The following PAG1 variants were observed in gnomAD, a reference collection of about 807,000 sequenced individuals.
The protein encoded by PAG1 is phosphoprotein associated with glycosphingolipid-enriched microdomains 1.
PAG1 carries 23 observed loss-of-function variants against 31.7 expected under a neutral mutation model. The observed-to-expected ratio is 0.73, with a 90% CI of 0.52 to 1.03. The LOEUF (loss-of-function observed/expected upper bound fraction) is 1.03. Among genes scored for constraint, PAG1 ranks in the 50% least tolerant of loss-of-function variants. PAG1 has a pLI of 0.00. For synonymous variants in PAG1, 214 were observed against 210.3 expected, an observed-to-expected ratio of 1.02 and a Z score of -0.15; for missense variants, 473 against 540.7, an observed-to-expected ratio of 0.87 and a Z score of 1.24.
At chr8:81,053,989 T>A (rs1467146302) in intron 2 of PAG1, among the ~76,000 whole-genome samples, 1 of 152,114 alleles carries the variant, frequency 6.6e-6, no homozygotes, top group Non-Finnish European at 1.5e-5. Context: ...AAAGCAGCCA[T>A]CAACAGTAGC....
At chr8:81,044,109 T>C (rs1808601802) in intron 2 of PAG1, among the ~76,000 whole-genome samples, 1 of 152,180 alleles carries the variant, frequency 6.6e-6, no homozygotes, top group Non-Finnish European at 1.5e-5. Context: ...CCAAGTGACT[T>C]TCTAAAATGC....
At chr8:80,987,824 T>A (rs537038590) in intron 5 of PAG1, among the ~76,000 whole-genome samples, 1 of 152,352 alleles carries the variant, frequency 6.6e-6, no homozygotes, top group Admixed American at 6.5e-5. Context: ...TCTCAAAATA[T>A]CTTGTATGGT....
Position 81,087,961 on chromosome 8 carries a change from G to C in PAG1, c.-233-17791C>G, listed in dbSNP as rs547958417. On this transcript the variant is annotated intron_variant, in intron 1 of 8. Coordinates refer to ENST00000220597, the MANE Select transcript of PAG1 (RefSeq NM_018440.4). ...AAATACATATCAAAGATCAGTGGGG[G>C]GAAAAAATACTGATTTAAAGCTGAA... Among the ~76,000 whole-genome samples, 12 of 152,102 alleles carry C rather than the reference G, an allele frequency of 7.9e-5. No individual in the cohort carries two copies. The East Asian group carries it at 2.3e-3, about 29-fold the overall frequency.
chr8:81,078,199 T>C (rs16908524), intron 1 of PAG1, among the ~76,000 whole-genome samples: 12,482 of 152,228 alleles, frequency 0.082, 1,348 homozygotes, highest in African/African-American at 0.25. Flanking sequence ...TGGGCTTAAA[T>C]TTTTAATCTG....
intron 2 of PAG1, among the ~76,000 whole-genome samples, chr8:81,057,241 A>C (rs1026644805): frequency 3.3e-5 from 5 of 152,184 alleles, no homozygotes; most frequent in Admixed American, 1.3e-4. Flanking sequence ...AAGGACTATA[A>C]ATCATGCTGT....
In PAG1 at chr8:81,016,730, T is replaced by C. The variant is rs150044979; in HGVS notation, c.-81+13266A>G. Among the ~76,000 whole-genome samples, 245 of 152,298 alleles carry C rather than the reference T, an allele frequency of 1.6e-3. 1 individual carries two copies. Among genetic ancestry groups the C allele is most frequent in the African/African-American group, 5.3e-3 (222 of 41,558 alleles). On this transcript the variant is annotated intron_variant, in intron 3 of 8. Transcript: ENST00000220597. ...TTTAAAATGTGACTTTTTAGTACCT[T>C]CCATCAAGAAATGAAATCTCTTTCC... is the stretch of plus-strand genomic sequence containing the variant.
chr8:81,039,429 T>A (rs1392356292), intron 2 of PAG1: 3 of 152,178 alleles, frequency 2.0e-5, no homozygotes. Flanking sequence ...TATGCTGCCA[T>A]AAGGCAAGGA....
intron 2 of PAG1, among the ~76,000 whole-genome samples, chr8:81,051,462 A>G (rs1808727305): frequency 6.6e-6 from 1 of 152,220 alleles, no homozygotes; most frequent in African/African-American, 2.4e-5. Flanking sequence ...CTTATTGCAC[A>G]TATATAAGAT....
rs1807597937 is a variant in PAG1 at position 80,993,300 on chromosome 8, G to C, written c.-73C>G. 1 of 1,454,702 alleles carries C rather than the reference G, an allele frequency of 6.9e-7. No individual in the cohort carries two copies. The highest frequency in any genetic ancestry group is 9.3e-7 in the Non-Finnish European group (1 of 1,074,838). 90.1% of individuals were successfully genotyped at this position (1,454,702 alleles called of 1,614,324 possible). On this transcript the variant is annotated 5_prime_UTR_variant, in exon 4 of 9. Transcript: ENST00000220597. ...AAAGGTGGTGACATGGAGGCAGAGA[G>C]CTGTGTCCTGCAAAGAGACCAGTGC...
chr8:81,002,643 A>G (rs1807807500), intron 3 of PAG1, among the ~76,000 whole-genome samples: 1 of 152,256 alleles, frequency 6.6e-6, no homozygotes, highest in African/African-American at 2.4e-5. Context: ...CTGGCTTAAC[A>G]GTGCTAATAT....
At chr8:80,998,605 A>AG (rs35940263) in intron 3 of PAG1, among the ~76,000 whole-genome samples, 36,963 of 151,342 alleles carry the variant, frequency 0.24, 5,692 homozygotes, top group African/African-American at 0.44. Flanking sequence ...GAAAAAAAAA[A>AG]CCACACAAAT....
chr8:81,008,576 T>C (rs1221757784), intron 3 of PAG1, among the ~76,000 whole-genome samples: 3 of 148,524 alleles, frequency 2.0e-5, no homozygotes, highest in African/African-American at 4.9e-5. Context: ...ATATATATAA[T>C]ATAGTAGTAT....
intron 1 of PAG1, among the ~76,000 whole-genome samples, chr8:81,084,262 T>C (rs937161168): frequency 1.3e-5 from 2 of 152,208 alleles, no homozygotes; most frequent in Non-Finnish European, 2.9e-5. Flanking sequence ...TCCATGTTCC[T>C]GGAAATAGAA....
chr8:81,086,698 C>A (rs1809364189), intron 1 of PAG1, among the ~76,000 whole-genome samples: 1 of 152,038 alleles, frequency 6.6e-6, no homozygotes, highest in South Asian at 2.1e-4. Flanking sequence ...AGAAAAAGTA[C>A]AAATTGTTCA....
Position 80,990,624 on chromosome 8 carries a change from G to A in PAG1, c.177+855C>T, listed in dbSNP as rs1313282388. 1.3e-5 allele frequency among the ~76,000 whole-genome samples: 2 copies of A among 152,130 alleles called. No homozygotes were observed. The highest frequency in any genetic ancestry group is 2.9e-5 in the Non-Finnish European group (2 of 68,034). On this transcript the variant is annotated intron_variant, in intron 5 of 8. Coordinates refer to ENST00000220597, the MANE Select transcript of PAG1 (RefSeq NM_018440.4). The surrounding 1 kb of genome is among the most constrained non-coding windows in gnomAD (Gnocchi z 5.1). ...GGCCTGGGTCAGAGAGGACAAGGAA[G>A]GACCTGGACACTCTCAGGCTGTTCC...
chr8:81,068,294 G>A (rs1809040342), intron 2 of PAG1, among the ~76,000 whole-genome samples: 1 of 152,182 alleles, frequency 6.6e-6, no homozygotes, highest in Non-Finnish European at 1.5e-5. Flanking sequence ...AATGGGTTGG[G>A]ACAATTTAAA....
intron 2 of PAG1, among the ~76,000 whole-genome samples, chr8:81,060,713 C>T (rs79532577): frequency 0.018 from 2,779 of 152,244 alleles, 86 homozygotes; most frequent in African/African-American, 0.063. Flanking sequence ...GCAGGAGTCT[C>T]ACTAATACTT....
chr8:81,035,377 AC>A (rs1808446182), intron 2 of PAG1, among the ~76,000 whole-genome samples: 1 of 152,212 alleles, frequency 6.6e-6, no homozygotes, highest in Non-Finnish European at 1.5e-5. Context: ...ACCAGAGCCT[AC>A]ATCTGCATGA....
intron 8 of PAG1, 41 bp downstream of exon 8, chr8:80,980,394 T>C: frequency 5.3e-6 from 6 of 1,131,442 alleles, no homozygotes; most frequent in Non-Finnish European, 6.7e-6. Flanking sequence ...AGGTCTATTC[T>C]TTACTACAGT....
Sources: gnomAD v4.1 joint callset for allele counts (sites outside exome capture counted in the v4.1 genomes callset) on GRCh38, gnomAD v4.1.1 for gene constraint, Gnocchi (gnomAD v3.1) non-coding constraint, MANE v1.5 for transcripts, NCBI Gene and HGNC (gene_info 2026-07-23, HGNC 2026-07-21) for gene names.